TRIM32: variants seen among roughly 807,000 people sequenced by gnomAD.
TRIM32 encodes the protein tripartite motif containing 32, also known as E3 ubiquitin-protein ligase TRIM32.
In TRIM32, 19 loss-of-function variants were observed where a neutral mutation model predicts 36.0. The ratio of observed to expected loss-of-function variants is 0.53; its 90% confidence interval spans 0.37 to 0.77. The LOEUF (loss-of-function observed/expected upper bound fraction) is 0.77, where lower values mean the gene tolerates loss of function less well. Among genes scored for constraint, TRIM32 ranks in the 30% least tolerant of loss-of-function variants. The pLI is 0.00. For missense variants in TRIM32, 747 were observed against 845.2 expected, an observed-to-expected ratio of 0.88 and a Z score of 1.44; for synonymous variants, 309 against 318.5, an observed-to-expected ratio of 0.97 and a Z score of 0.32.
At chr9:116,693,194 G>T (rs1420700334) in intron 1 of TRIM32, among the ~76,000 whole-genome samples, 1 of 152,124 alleles carries the variant, frequency 6.6e-6, no homozygotes, top group Non-Finnish European at 1.5e-5. Flanking sequence ...ATCAGGCTAA[G>T]TACTTTATAT....
Position 116,697,648 on chromosome 9 carries a change from C to A in TRIM32, c.-81-14C>A, listed in dbSNP as rs904007406. 2.0e-6 allele frequency: 3 copies of A among 1,499,482 alleles called. No individual in the cohort carries two copies. Among genetic ancestry groups the A allele is most frequent in the African/African-American group, 2.8e-5 (2 of 72,712 alleles). The allele number at this position is 1,499,482 out of a possible 1,614,324, so 92.9% of individuals were successfully genotyped here. ...GTCAGAGGAAAATGAATAATGGTTT[C>A]TTTTTCTCTTTAGCAGGAATTTGAC... On this transcript the variant is annotated splice_polypyrimidine_tract_variant and intron_variant, in intron 1 of 1. Transcript: ENST00000450136.
chr9:116,700,630 C>A lies in TRIM32; in HGVS notation c.*926C>A, dbSNP rs1001023662. 3 of 167,010 alleles carry A rather than the reference C, an allele frequency of 1.8e-5. No homozygotes were observed. The highest frequency in any genetic ancestry group is 7.2e-5 in the African/African-American group (3 of 41,454). The allele number at this position is 167,010 out of a possible 1,614,324, so 10.3% of individuals were successfully genotyped here. A position where few individuals can be genotyped will look rare whatever the true frequency, so the allele number is the denominator to read the frequency against. The stretch of plus-strand genomic sequence containing the variant: ...CACATTTTCATGTTCATTACTAAAA[C>A]AAACAGCAAAACTATTGGTTTGTTA... On this transcript the variant is annotated 3_prime_UTR_variant, in exon 2 of 2. Coordinates refer to ENST00000450136, the MANE Select transcript of TRIM32 (RefSeq NM_012210.4).
chr9:116,699,497 T>G lies in TRIM32; in HGVS notation c.1755T>G (p.Ala585=). The change falls in exon 2 of 2, where the codon GCT becomes GCG. Residue 585 remains alanine (A), a synonymous_variant. Transcript: ENST00000450136. This position sits in a 1 kb window ranked among gnomAD's most constrained non-coding sequence, Gnocchi z 4.2. ...FRCIAGMCVD[A]RGDLIVADSS... is the part of the protein sequence containing the mutation. ...GCATTGCTGGCATGTGTGTGGATGC[T>G]CGTGGTGATCTCATCGTGGCTGACA... 6.2e-7 allele frequency: 1 copy of G among 1,613,460 alleles called. No homozygotes were observed. The highest frequency in any genetic ancestry group is 8.5e-7 in the Non-Finnish European group (1 of 1,179,816).
intron 1 of TRIM32, among the ~76,000 whole-genome samples, chr9:116,688,629 ACCACCGGTCCCCCGGC>A (rs1860399146): frequency 6.8e-6 from 1 of 147,170 alleles, no homozygotes; most frequent in South Asian, 2.1e-4. Flanking sequence ...CTCCATTCTG[ACCACCGGTCCCCCGGC>A]CCACTGAAAG....
rs1860987215 is a variant in TRIM32, at chr9:116,698,321, C to T, written c.579C>T (p.Arg193=). ...TCCAGGAGTATGGGCATGAGGAGCG[C>T]AGGGTCCAGGATGAGCTGGCTCGCT... is the stretch of plus-strand genomic sequence containing the variant. ...AVLQEYGHEE[R]RVQDELARSR... Residue 193 remains arginine (R), a synonymous_variant, in exon 2 of 2, where the codon CGC becomes CGT. Transcript: ENST00000450136. This position sits in a 1 kb window ranked among gnomAD's most constrained non-coding sequence, Gnocchi z 4.4. 1 of 1,614,038 alleles carries T rather than the reference C, an allele frequency of 6.2e-7. No homozygotes were observed. The highest frequency in any genetic ancestry group is 8.5e-7 in the Non-Finnish European group (1 of 1,180,036).
chr9:116,699,604 G>T lies in TRIM32; in HGVS notation c.1862G>T (p.Gly621Val), dbSNP rs775856458. 6.2e-7 allele frequency: 1 copy of T among 1,614,188 alleles called. No individual in the cohort carries two copies. Among genetic ancestry groups the T allele is most frequent in the Admixed American group, 1.7e-5 (1 of 60,028 alleles). ...LIREGLTCPV[G>V]IALTPKGQLL... is the part of the protein sequence containing the mutation. ...CGAGAGGGACTTACCTGTCCGGTGG[G>T]CATAGCCCTAACTCCTAAGGGGCAG... The change falls in exon 2 of 2, where the codon GGC becomes GTC. Residue 621 changes from glycine to valine, a missense_variant. Transcript: ENST00000450136. The surrounding 1 kb of genome is among the most constrained non-coding windows in gnomAD (Gnocchi z 4.2).
intron 1 of TRIM32, among the ~76,000 whole-genome samples, chr9:116,688,879 G>GA (rs34641332): frequency 0.17 from 24,627 of 146,846 alleles, 2,422 homozygotes; most frequent in Non-Finnish European, 0.23. Flanking sequence ...ACAACCACCA[G>GA]AAAAAAAAAA....
chr9:116,687,377 G>T lies in TRIM32; in HGVS notation c.-86G>T, dbSNP rs1860302865. 3 of 342,838 alleles carry T rather than the reference G, an allele frequency of 8.8e-6. No individual in the cohort carries two copies. The highest frequency in any genetic ancestry group is 1.2e-5 in the Non-Finnish European group (3 of 243,984). The allele number at this position is 342,838 out of a possible 1,614,324, so 21.2% of individuals were successfully genotyped here. A position where few individuals can be genotyped will look rare whatever the true frequency, so the allele number is the denominator to read the frequency against. On this transcript the variant is annotated 5_prime_UTR_variant, in exon 1 of 2. Transcript: ENST00000450136. ...GGTGGACTCGTCGGAGCCGCGGGCG[G>T]TCAGGTAGGGGGCGGGAAGGAGGGT... is the stretch of plus-strand genomic sequence containing the variant.
intron 1 of TRIM32, 91 bp from the exon 2 acceptor site, chr9:116,697,571 T>C: frequency 2.5e-6 from 2 of 808,482 alleles, no homozygotes; most frequent in African/African-American, 1.7e-5. Context: ...AATGACTGAA[T>C]GACTGGTCAT....
At chr9:116,697,525 A>G (rs1313559500) in intron 1 of TRIM32, 137 bp from the exon 2 acceptor site, 1 of 598,142 alleles carries the variant, frequency 1.7e-6, no homozygotes, top group Non-Finnish European at 2.9e-6. Flanking sequence ...CACGTGACAT[A>G]TAATAGACCT....
In TRIM32 at chr9:116,699,512, C is replaced by T. The variant is rs776504480; in HGVS notation, c.1770C>T (p.Ile590=). The T allele has an allele frequency of 3.1e-6, 5 of 1,614,044 alleles. No individual in the cohort carries two copies. The highest frequency in any genetic ancestry group is 1.7e-5 in the Admixed American group (1 of 60,000). The part of the protein sequence containing the change: ...GMCVDARGDL[I]VADSSRKEIL... ...GTGTGGATGCTCGTGGTGATCTCAT[C>T]GTGGCTGACAGTAGTCGCAAGGAAA... Residue 590 remains isoleucine (I), a synonymous_variant, in exon 2 of 2, where the codon ATC becomes ATT. Transcript: ENST00000450136. The surrounding 1 kb of genome is among the most constrained non-coding windows in gnomAD (Gnocchi z 4.2).
rs1481004443 is a variant in TRIM32, at chr9:116,700,806, A to C, written c.*1102A>C. The C allele has an allele frequency of 6.0e-6, 1 of 166,920 alleles. No individual in the cohort carries two copies. Among genetic ancestry groups the C allele is most frequent in the African/African-American group, 2.4e-5 (1 of 41,456 alleles). The allele number at this position is 166,920 out of a possible 1,614,324, so 10.3% of individuals were successfully genotyped here. A position where few individuals can be genotyped will look rare whatever the true frequency, so the allele number is the denominator to read the frequency against. On this transcript the variant is annotated 3_prime_UTR_variant, in exon 2 of 2. Transcript: ENST00000450136. The stretch of plus-strand genomic sequence containing the variant: ...CGGAATTTTGGAGATGATAAGAGGG[A>C]TAACCTGCGCTATGCCATTTTGCTT...
At chr9:116,687,695 G>T (rs953084024) in intron 1 of TRIM32, among the ~76,000 whole-genome samples, 36 of 151,956 alleles carry the variant, frequency 2.4e-4, no homozygotes, top group Non-Finnish European at 4.6e-4. Context: ...GAGGAACGGG[G>T]TGTAGCATGT....
chr9:116,693,240 A>G (rs1429681314), intron 1 of TRIM32, among the ~76,000 whole-genome samples: 1 of 152,166 alleles, frequency 6.6e-6, no homozygotes, highest in Non-Finnish European at 1.5e-5. Flanking sequence ...TCTTTTTATA[A>G]ACTAAGAAAA....
rs1466373473 is a variant in TRIM32 at position 116,700,920 on chromosome 9, A to T, written c.*1216A>T. ...ACTATTATGTAAAGATAATAATCCAAATCTTTCTCCCAAATACATGTGTAC... is the reference window on the plus strand; with the variant it reads ...ACTATTATGTAAAGATAATAATCCATATCTTTCTCCCAAATACATGTGTAC... On this transcript the variant is annotated 3_prime_UTR_variant, in exon 2 of 2. Coordinates refer to ENST00000450136, the MANE Select transcript of TRIM32 (RefSeq NM_012210.4). 2 of 167,038 alleles carry T rather than the reference A, an allele frequency of 1.2e-5. No individual in the cohort carries two copies. Among genetic ancestry groups the T allele is most frequent in the African/African-American group, 2.4e-5 (1 of 41,446 alleles). 10.3% of individuals were successfully genotyped at this position (167,038 alleles called of 1,614,324 possible). A position where few individuals can be genotyped will look rare whatever the true frequency, so the allele number is the denominator to read the frequency against.
Position 116,698,700 on chromosome 9 carries a change from G to A in TRIM32, c.958G>A (p.Val320Ile). The A allele has an allele frequency of 6.2e-7, 1 of 1,614,220 alleles. No individual in the cohort carries two copies. The highest frequency in any genetic ancestry group is 8.5e-7 in the Non-Finnish European group (1 of 1,180,048). Reference sequence around the variant, plus strand: ...CACAGCGTCTGCTGCCTCTACCTCTGTTACTTTTAGAGAGATGGACATGAG... The same window carrying A: ...CACAGCGTCTGCTGCCTCTACCTCTATTACTTTTAGAGAGATGGACATGAG... ...EATASAASTS[V>I]TFREMDMSPE... The change falls in exon 2 of 2, where the codon GTT becomes ATT. Residue 320 changes from valine (V) to isoleucine (I), a missense_variant. Val to Ile is a conservative substitution (Grantham distance 29, BLOSUM62 3). Transcript: ENST00000450136. The surrounding 1 kb of genome is among the most constrained non-coding windows in gnomAD (Gnocchi z 4.4).
chr9:116,693,679 G>A (rs1367039046), intron 1 of TRIM32, among the ~76,000 whole-genome samples: 1 of 152,210 alleles, frequency 6.6e-6, no homozygotes, highest in African/African-American at 2.4e-5. Flanking sequence ...CATGAAGGGA[G>A]CCAAGATGAT....
intron 1 of TRIM32, among the ~76,000 whole-genome samples, chr9:116,695,971 C>T (rs1463541132): frequency 1.3e-5 from 2 of 152,148 alleles, no homozygotes; most frequent in East Asian, 3.9e-4. Flanking sequence ...ATCCACTCAC[C>T]TTTCAAATCT....
chr9:116,700,001 A>AG lies in TRIM32; in HGVS notation c.*298dup. On this transcript the variant is annotated 3_prime_UTR_variant, in exon 2 of 2. Transcript: ENST00000450136. ...AGGCTTTAGTAGAGAGAGCCACTTT[A>AG]GCCCTTTGTGCCATGTTTGAAATTT... 1 of 467,092 alleles carries AG rather than the reference A, an allele frequency of 2.1e-6. No homozygotes were observed. Among genetic ancestry groups the AG allele is most frequent in the Non-Finnish European group, 4.0e-6 (1 of 253,108 alleles). 28.9% of individuals were successfully genotyped at this position (467,092 alleles called of 1,614,324 possible).
Sources: allele counts gnomAD v4.1 joint callset (sites outside exome capture counted in the v4.1 genomes callset), GRCh38; gene constraint gnomAD v4.1.1; non-coding constraint Gnocchi (gnomAD v3.1); transcripts MANE v1.5; gene names NCBI Gene and HGNC (gene_info 2026-07-23, HGNC 2026-07-21).